Variants in TTN observed in about 807,000 individuals in gnomAD.
TTN encodes the protein titin, also known as connectin.
TTN carries 1,525 observed loss-of-function variants against 3,223.0 expected under a neutral mutation model. The observed-to-expected ratio is 0.47, with a 90% CI of 0.45 to 0.49. The LOEUF is 0.49. Ranked by LOEUF, TTN falls within the 20% of genes least tolerant of loss-of-function variation. The pLI is 0.00. For synonymous variants in TTN, 14,094 were observed against 15,161.0 expected, an observed-to-expected ratio of 0.93 and a Z score of 5.17; for missense variants, 40,786 against 43,424.0, an observed-to-expected ratio of 0.94 and a Z score of 5.40.
At position 178,557,353 on chromosome 2, in the gene TTN, A is replaced by G; in HGVS notation, c.87909T>C (p.Ser29303=). The stretch of plus-strand genomic sequence containing the variant: ...CCCTGAATTCATAAATAAGTCCAGC[A>G]CTGATTGTTGTGACTTTGAAGTGAG... ...RTTHFKVTTI[S]AGLIYEFRVY... Residue 29303 remains serine, a synonymous_variant, in exon 329 of 363, where the codon AGT becomes AGC. Transcript: ENST00000589042. The G allele has an allele frequency of 6.2e-7, 1 of 1,613,940 alleles. No homozygotes were observed. The highest frequency in any genetic ancestry group is 8.5e-7 in the Non-Finnish European group (1 of 1,179,850).
rs1285081649 is a variant in TTN, at chr2:178,561,692, A to G, written c.84440T>C (p.Val28147Ala). The change falls in exon 326 of 363, where the codon GTT becomes GCT. Residue 28147 changes from valine to alanine, a missense_variant. By Grantham distance (64) the Val-to-Ala change is moderately conservative. Coordinates refer to ENST00000589042, the MANE Select transcript of TTN (RefSeq NM_001267550.2). The part of the protein sequence containing the change: ...KSSYSESSAV[V>A]AEYPFSPPGP... ...TGGGGGACTGAATGGATACTCTGCA[A>G]CAACAGCTGAAGATTCACTGTAGGA... 3 of 1,607,748 alleles carry G rather than the reference A, an allele frequency of 1.9e-6. No individual in the cohort carries two copies. Among genetic ancestry groups the G allele is most frequent in the Non-Finnish European group, 2.6e-6 (3 of 1,175,912 alleles).
chr2:178,697,324 T>C (rs1013867045), intron 112 of TTN, among the ~76,000 whole-genome samples, 156 bp from the exon 113 acceptor site: 11 of 152,050 alleles, frequency 7.2e-5, no homozygotes, highest in African/African-American at 2.7e-4. Context: ...CTTCTATAAT[T>C]TCCAAATCTA....
rs748587720 is a variant in TTN, at chr2:178,558,623, G to C, written c.86836C>G (p.Pro28946Ala). Residue 28946 changes from proline (P) to alanine (A), a missense_variant, in exon 327 of 363, where the codon CCT becomes GCT. Physicochemically the swap from Pro to Ala is conservative, Grantham distance 27. Transcript: ENST00000589042. ...ATACTTGTTACTCCAAGTTTTTCAGGTGGGCTTGGTTTTTCTAAGAAAACA... is the reference window on the plus strand; with the variant it reads ...ATACTTGTTACTCCAAGTTTTTCAGCTGGGCTTGGTTTTTCTAAGAAAACA... ...GVKITEKPSPPEKLGVTSISK... is the reference protein window; with the variant it reads ...GVKITEKPSPAEKLGVTSISK... The C allele has an allele frequency of 1.2e-5, 19 of 1,611,056 alleles. No homozygotes were observed. The highest frequency in any genetic ancestry group is 1.6e-5 in the Non-Finnish European group (19 of 1,179,390).
At position 178,532,597 on chromosome 2, in the gene TTN, A is replaced by G. The variant is rs886042330; in HGVS notation, c.104018T>C (p.Met34673Thr). The G allele has an allele frequency of 1.3e-5, 21 of 1,613,748 alleles. No homozygotes were observed. The highest frequency in any genetic ancestry group is 1.7e-5 in the Non-Finnish European group (20 of 1,179,860). ...CAGCCTCTCTTCCTCTGTTCTTTTCATTGCTAAGTAGTCATCAATGGGGAG... is the reference window on the plus strand; with the variant it reads ...CAGCCTCTCTTCCTCTGTTCTTTTCGTTGCTAAGTAGTCATCAATGGGGAG... ...LLLPIDDYLA[M>T]KRTEEERLRL... Residue 34673 changes from methionine to threonine, a missense_variant, in exon 358 of 363, where the codon ATG becomes ACG. By Grantham distance (81) the Met-to-Thr change is moderately conservative. Transcript: ENST00000589042.
chr2:178,732,154 A>G lies in TTN; in HGVS notation c.16815T>C (p.Asp5605=). The G allele has an allele frequency of 6.2e-7, 1 of 1,613,770 alleles. No homozygotes were observed. Among genetic ancestry groups the G allele is most frequent in the East Asian group, 2.2e-5 (1 of 44,860 alleles). ...VESTAVLRLT[D]VGIEDSGEYM... ...ATTCACCACTGTCTTCGATGCCAAC[A>G]TCTGTCAGTCTTAGAACTGCAGTAG... is the stretch of plus-strand genomic sequence containing the variant. Residue 5605 remains aspartate (D), a synonymous_variant, in exon 57 of 363, where the codon GAT becomes GAC. Transcript: ENST00000589042.
chr2:178,776,666 G>A lies in TTN; in HGVS notation c.5198C>T (p.Thr1733Met), dbSNP rs367700246. The A allele has an allele frequency of 1.4e-4, 218 of 1,613,978 alleles. No homozygotes were observed. Among genetic ancestry groups the A allele is most frequent in the Admixed American group, 2.3e-4 (14 of 59,994 alleles). ...ATCATGGAGCCACTCCACCACCATC[G>A]TTGGGTCACCAATGGGTGTTAGCCT... is the stretch of plus-strand genomic sequence containing the variant. Reference protein sequence around the residue: ...ECRLTPIGDPTMVVEWLHDGK... With the variant: ...ECRLTPIGDPMMVVEWLHDGK... The change falls in exon 28 of 363, where the codon ACG becomes ATG. Residue 1733 changes from threonine to methionine, a missense_variant. Coordinates refer to ENST00000589042, the MANE Select transcript of TTN (RefSeq NM_001267550.2).
In TTN at chr2:178,712,720, C is replaced by A; in HGVS notation, c.27305G>T (p.Cys9102Phe). Reference sequence around the variant, plus strand: ...ACCTTTTATGTAGAGATGTGTTGTACAAGAAGCCTTGCCAGCTTCATTGCT... The same window carrying A: ...ACCTTTTATGTAGAGATGTGTTGTAAAAGAAGCCTTGCCAGCTTCATTGCT... Reference protein sequence around the residue: ...IVSNEAGKASCTTHLYIKAPA... With the variant: ...IVSNEAGKASFTTHLYIKAPA... The change falls in exon 94 of 363, where the codon TGT (cysteine) becomes TTT (phenylalanine). Residue 9102 changes from cysteine to phenylalanine, a missense_variant. By Grantham distance (205) the Cys-to-Phe change is radical. Coordinates refer to ENST00000589042, the MANE Select transcript of TTN (RefSeq NM_001267550.2). 6.2e-7 allele frequency: 1 copy of A among 1,613,668 alleles called. No individual in the cohort carries two copies. Among genetic ancestry groups the A allele is most frequent in the Non-Finnish European group, 8.5e-7 (1 of 1,179,654 alleles).
intron 118 of TTN, 71 bp from the exon 119 acceptor site, chr2:178,693,760 T>G: frequency 7.5e-7 from 1 of 1,324,528 alleles, no homozygotes; most frequent in South Asian, 1.4e-5. Flanking sequence ...ACAAAGAACA[T>G]TAAAATAAAA....
rs267599042 is a variant in TTN at position 178,583,748 on chromosome 2, G to T, written c.65434C>A (p.His21812Asn). 1.2e-6 allele frequency: 2 copies of T among 1,612,056 alleles called. No homozygotes were observed. Among genetic ancestry groups the T allele is most frequent in the Non-Finnish European group, 8.5e-7 (1 of 1,179,032 alleles). The change falls in exon 312 of 363, where the codon CAC (histidine) becomes AAC (asparagine). Residue 21812 changes from histidine (H) to asparagine (N), a missense_variant. Transcript: ENST00000589042. ...GTGTACTCTTCCTGGGGAATCTGGTGAGGTGCAGTATTGCACCGTACCCAT... is the reference window on the plus strand; with the variant it reads ...GTGTACTCTTCCTGGGGAATCTGGTTAGGTGCAGTATTGCACCGTACCCAT... Reference protein sequence around the residue: ...DKWVRCNTAPHQIPQEEYTAT... With the variant: ...DKWVRCNTAPNQIPQEEYTAT...
At chr2:178,644,815 G>A (rs2061685433) in intron 217 of TTN, 199 bp from the exon 218 acceptor site, 2 of 459,654 alleles carry the variant, frequency 4.4e-6, no homozygotes, top group Admixed American at 9.0e-5. Flanking sequence ...AAGTTCAGTA[G>A]TTAATTAAAG....
rs764845318 is a variant in TTN at position 178,611,461 on chromosome 2, TCTTTGTCAGGAACAACACCTTCTTCAA to T, written c.50741_50767del (p.Val16914_Lys16922del). 1 of 1,612,986 alleles carries T rather than the reference TCTTTGTCAGGAACAACACCTTCTTCAA, an allele frequency of 6.2e-7. No homozygotes were observed. Among genetic ancestry groups the T allele is most frequent in the South Asian group, 1.1e-5 (1 of 91,068 alleles). On this transcript the variant is annotated inframe_deletion, in exon 269 of 363. Coordinates refer to ENST00000589042, the MANE Select transcript of TTN (RefSeq NM_001267550.2). ...GACTGCTCTCACTCTCAGGACATAT[TCTTTGTCAGGAACAACACCTTCTTCAA>T]CCTTGAATTTCAAGTCCTTTATTGG... is the stretch of plus-strand genomic sequence containing the variant.
At chr2:178,681,978 A>C (rs2069518169) in intron 135 of TTN, among the ~76,000 whole-genome samples, 1 of 151,938 alleles carries the variant, frequency 6.6e-6, no homozygotes, top group Non-Finnish European at 1.5e-5. Context: ...CAGGTAGATA[A>C]ATTCCTGGCT....
chr2:178,592,627 G>A lies in TTN; in HGVS notation c.59378C>T (p.Ala19793Val), dbSNP rs1433039414. The A allele has an allele frequency of 2.5e-6, 4 of 1,613,092 alleles. No homozygotes were observed. The highest frequency in any genetic ancestry group is 3.4e-6 in the Non-Finnish European group (4 of 1,179,516). Reference protein sequence around the residue: ...PPELILDANMAREQHIKVGDT... With the variant: ...PPELILDANMVREQHIKVGDT... ...ACCAACTTTAATGTGTTGTTCTCTT[G>A]CCATGTTGGCATCAAGAATCAACTC... Residue 19793 changes from alanine to valine, a missense_variant, in exon 301 of 363, where the codon GCA becomes GTA. Ala to Val is a moderately conservative substitution (Grantham distance 64). Transcript: ENST00000589042.
rs772481939 is a variant in TTN, at chr2:178,614,843, A to T, written c.48760+4T>A. ...TTGATAAGACAAAAATCAAAAATAG[A>T]TACCTTGTGTGTCCACAGCCTGGAT... On this transcript the variant is annotated splice_donor_region_variant and intron_variant, in intron 260 of 362. Coordinates refer to ENST00000589042, the MANE Select transcript of TTN (RefSeq NM_001267550.2). 1 of 1,572,090 alleles carries T rather than the reference A, an allele frequency of 6.4e-7. No individual in the cohort carries two copies. Among genetic ancestry groups the T allele is most frequent in the Admixed American group, 1.9e-5 (1 of 53,052 alleles).
chr2:178,706,846 C>T lies in TTN; in HGVS notation c.29134+16G>A. On this transcript the variant is annotated intron_variant, in intron 101 of 362. Coordinates refer to ENST00000589042, the MANE Select transcript of TTN (RefSeq NM_001267550.2). ...ATAAGATAGATGAAGATGTACTTCTCATGAAGTGCACTTACTTTCTACGAC... is the reference window on the plus strand; with the variant it reads ...ATAAGATAGATGAAGATGTACTTCTTATGAAGTGCACTTACTTTCTACGAC... The T allele has an allele frequency of 6.2e-7, 1 of 1,608,844 alleles. No homozygotes were observed. The highest frequency in any genetic ancestry group is 8.5e-7 in the Non-Finnish European group (1 of 1,176,206).
chr2:178,717,281 T>C lies in TTN; in HGVS notation c.25453A>G (p.Ile8485Val), dbSNP rs1560628327. ...FKCHVTGTAP[I>V]KITWAKDNRE... ...TTATCTTTGGCCCAAGTGATTTTGA[T>C]TGGTGCAGTCCCAGTTACATGACAT... Residue 8485 changes from isoleucine (I) to valine (V), a missense_variant, in exon 88 of 363, where the codon ATC (isoleucine) becomes GTC (valine). Physicochemically the swap from Ile to Val is conservative, Grantham distance 29. Coordinates refer to ENST00000589042, the MANE Select transcript of TTN (RefSeq NM_001267550.2). 8.1e-6 allele frequency: 13 copies of C among 1,613,594 alleles called. No individual in the cohort carries two copies. The highest frequency in any genetic ancestry group is 1.1e-5 in the Non-Finnish European group (13 of 1,179,698).
chr2:178,689,512 T>C lies in TTN; in HGVS notation c.31927+3A>G. On this transcript the variant is annotated splice_donor_region_variant and intron_variant, in intron 123 of 362. Transcript: ENST00000589042. ...GTTATTTCATGGAGATGGGATTAAG[T>C]ACCTGCTGGTGGTGGAGATTCCTCT... The C allele has an allele frequency of 6.2e-7, 1 of 1,608,698 alleles. No individual in the cohort carries two copies. The highest frequency in any genetic ancestry group is 8.5e-7 in the Non-Finnish European group (1 of 1,176,878).
At position 178,562,046 on chromosome 2, in the gene TTN, T is replaced by C. The variant is rs758569836; in HGVS notation, c.84086A>G (p.Asp28029Gly). 6.2e-7 allele frequency: 1 copy of C among 1,613,388 alleles called. No individual in the cohort carries two copies. Among genetic ancestry groups the C allele is most frequent in the Non-Finnish European group, 8.5e-7 (1 of 1,179,654 alleles). Reference sequence around the variant, plus strand: ...AACACATAATTCATAAGTTCCAACATCTTCCTTTGAAGCTTCCTTAATAGA... The same window carrying C: ...AACACATAATTCATAAGTTCCAACACCTTCCTTTGAAGCTTCCTTAATAGA... ...SLSIKEASKE[D>G]VGTYELCVSN... The change falls in exon 326 of 363, where the codon GAT becomes GGT. Residue 28029 changes from aspartate (D) to glycine (G), a missense_variant. Coordinates refer to ENST00000589042, the MANE Select transcript of TTN (RefSeq NM_001267550.2).
chr2:178,730,303 C>G lies in TTN; in HGVS notation c.18097G>C (p.Ala6033Pro). Reference protein sequence around the residue: ...VNPNTRVQLKALVGGTAPMTI... With the variant: ...VNPNTRVQLKPLVGGTAPMTI... ...ATGGGTGCAGTGCCACCCACAAGAG[C>G]CTTTAACTGTACCCTTGTGTTGGGA... is the stretch of plus-strand genomic sequence containing the variant. The change falls in exon 62 of 363, where the codon GCT becomes CCT. Residue 6033 changes from alanine (A) to proline (P), a missense_variant. Ala to Pro is a conservative substitution (Grantham distance 27, BLOSUM62 -1). Transcript: ENST00000589042. 1 of 1,611,764 alleles carries G rather than the reference C, an allele frequency of 6.2e-7. No homozygotes were observed. The highest frequency in any genetic ancestry group is 1.1e-5 in the South Asian group (1 of 90,718).
Sources: allele counts gnomAD v4.1 joint callset (sites outside exome capture counted in the v4.1 genomes callset), GRCh38; gene constraint gnomAD v4.1.1; transcripts MANE v1.5; gene names NCBI Gene and HGNC (gene_info 2026-07-23, HGNC 2026-07-21).